Variants in CPXM2 observed in about 807,000 individuals in gnomAD.
The protein encoded by CPXM2 is inactive carboxypeptidase-like protein X2.
CPXM2 carries 66 observed loss-of-function variants against 86.1 expected under a neutral mutation model. The observed-to-expected ratio is 0.77, with a 90% CI of 0.63 to 0.94. The LOEUF is 0.94. Ranked by LOEUF, CPXM2 falls within the 40% of genes least tolerant of loss-of-function variation. The pLI, the probability that CPXM2 is intolerant of heterozygous loss-of-function variation, is 0.00. For missense variants in CPXM2, 948 were observed against 1,026.3 expected, an observed-to-expected ratio of 0.92 and a Z score of 1.04; for synonymous variants, 388 against 400.2, an observed-to-expected ratio of 0.97 and a Z score of 0.36.
chr10:123,914,877 C>T (rs1312426546), intron 2 of CPXM2, among the ~76,000 whole-genome samples: 1 of 152,190 alleles, frequency 6.6e-6, no homozygotes, highest in African/African-American at 2.4e-5. Context: ...AACTAGTCCC[C>T]ATATTCCCTC....
intron 6 of CPXM2, among the ~76,000 whole-genome samples, chr10:123,787,583 G>A (rs1200320214): frequency 6.6e-6 from 1 of 152,040 alleles, no homozygotes; most frequent in African/African-American, 2.4e-5. Flanking sequence ...ATTTGTACAT[G>A]GGACTATTCT....
chr10:123,900,697 T>G (rs969729837), intron 2 of CPXM2, among the ~76,000 whole-genome samples: 1 of 152,190 alleles, frequency 6.6e-6, no homozygotes, highest in African/African-American at 2.4e-5. Context: ...AATTAAAGGT[T>G]TATATAAAAG....
chr10:123,818,310 T>C (rs931973455), intron 4 of CPXM2, among the ~76,000 whole-genome samples: 8 of 152,172 alleles, frequency 5.3e-5, no homozygotes, highest in East Asian at 3.9e-4. Flanking sequence ...CTCAGCAACA[T>C]GTACTCCCAC....
chr10:123,752,509 C>T, intron 13 of CPXM2: 2 of 985,420 alleles, frequency 2.0e-6, no homozygotes, highest in Non-Finnish European at 2.4e-6. Context: ...AGGCCCACTG[C>T]TAGGGAGCCT....
At chr10:123,800,380 T>C (rs746658255) in intron 4 of CPXM2, among the ~76,000 whole-genome samples, 15 of 152,002 alleles carry the variant, frequency 9.9e-5, no homozygotes, top group Admixed American at 5.2e-4. Context: ...CCTCTGAGAG[T>C]CACCAGTTTG....
At chr10:123,912,070 C>T (rs1051217563) in intron 2 of CPXM2, among the ~76,000 whole-genome samples, 1 of 152,074 alleles carries the variant, frequency 6.6e-6, no homozygotes, top group Non-Finnish European at 1.5e-5. Context: ...GACCTCTCGA[C>T]TGGGGTTTTC....
At chr10:123,849,894 G>C (rs2134169227) in intron 3 of CPXM2, among the ~76,000 whole-genome samples, 1 of 152,278 alleles carries the variant, frequency 6.6e-6, no homozygotes, top group East Asian at 1.9e-4. Context: ...CCAAGATGTA[G>C]ACCATGAGCA....
At chr10:123,856,387 A>C (rs1378755045) in intron 3 of CPXM2, among the ~76,000 whole-genome samples, 1 of 152,156 alleles carries the variant, frequency 6.6e-6, no homozygotes, top group Non-Finnish European at 1.5e-5. Flanking sequence ...TGGTGCAATA[A>C]ATCACTTCAG....
chr10:123,877,225 A>G (rs1945003261), intron 2 of CPXM2, among the ~76,000 whole-genome samples: 1 of 152,218 alleles, frequency 6.6e-6, no homozygotes, highest in Non-Finnish European at 1.5e-5. Context: ...TTGCAACAAA[A>G]GCTGTTTACA....
At chr10:123,852,962 G>A (rs529405892) in intron 3 of CPXM2, among the ~76,000 whole-genome samples, 74 of 152,300 alleles carry the variant, frequency 4.9e-4, no homozygotes, top group African/African-American at 1.7e-3. Context: ...TCCTGCTGAT[G>A]TAGTTTGGAT....
At chr10:123,795,313 T>C (rs1847309294) in intron 6 of CPXM2, among the ~76,000 whole-genome samples, 1 of 152,194 alleles carries the variant, frequency 6.6e-6, no homozygotes, top group African/African-American at 2.4e-5. Context: ...AATTCACTTT[T>C]CAGCTCAAAA....
intron 1 of CPXM2, 104 bp from the exon 2 acceptor site, chr10:123,880,413 C>T: frequency 1.5e-6 from 1 of 673,930 alleles, no homozygotes; most frequent in Admixed American, 2.2e-5. Context: ...ATCTCCCCTT[C>T]TGCTCCCCTG....
chr10:123,887,925 G>C (rs1945205625), intron 1 of CPXM2, among the ~76,000 whole-genome samples: 1 of 152,140 alleles, frequency 6.6e-6, no homozygotes, highest in Admixed American at 6.5e-5. Flanking sequence ...ATTCCATTCT[G>C]TTTAATATAT....
At chr10:123,854,391 T>C (rs1441860462) in intron 3 of CPXM2, among the ~76,000 whole-genome samples, 2 of 118,424 alleles carry the variant, frequency 1.7e-5, no homozygotes, top group East Asian at 2.2e-4. Flanking sequence ...ATATAATATA[T>C]ATATTATATA....
intron 13 of CPXM2, among the ~76,000 whole-genome samples, chr10:123,747,429 T>A (rs1845992110): frequency 6.6e-6 from 1 of 152,154 alleles, no homozygotes; most frequent in Non-Finnish European, 1.5e-5. Context: ...ACAACAACCA[T>A]TTTTCAAAGG....
chr10:123,826,647 G>A (rs546932180), intron 4 of CPXM2, among the ~76,000 whole-genome samples: 1 of 152,092 alleles, frequency 6.6e-6, no homozygotes, highest in East Asian at 1.9e-4. Context: ...TATAAAATTA[G>A]AGAGAGGCCT....
intron 3 of CPXM2, among the ~76,000 whole-genome samples, chr10:123,844,836 T>C (rs1053137217): frequency 1.3e-5 from 2 of 152,026 alleles, no homozygotes; most frequent in African/African-American, 4.8e-5. Context: ...GCTGAGAACC[T>C]GGGTTTCAAG....
chr10:123,811,143 CTTTT>C (rs1452184739), intron 4 of CPXM2, among the ~76,000 whole-genome samples: 5 of 90,252 alleles, frequency 5.5e-5, no homozygotes, highest in African/African-American at 9.8e-5. Flanking sequence ...TTTTTTTTTT[CTTTT>C]TTCTTTTTTT....
chr10:123,920,096 G>T (rs1421796010), intron 2 of CPXM2, among the ~76,000 whole-genome samples: 3 of 152,020 alleles, frequency 2.0e-5, no homozygotes, highest in South Asian at 4.2e-4. Flanking sequence ...GATTTAATGG[G>T]GTCAAACAAA....
Sources: allele counts gnomAD v4.1 joint callset (sites outside exome capture counted in the v4.1 genomes callset), GRCh38; gene constraint gnomAD v4.1.1; transcripts MANE v1.5; gene names NCBI Gene and HGNC (gene_info 2026-07-23, HGNC 2026-07-21).